NEGR1: variants seen among roughly 807,000 people sequenced by gnomAD.
NEGR1 encodes neuronal growth regulator 1.
Under a neutral mutation model 40.9 loss-of-function variants are expected in NEGR1, and 10 were observed. The ratio of observed to expected loss-of-function variants is 0.24; its 90% CI spans 0.15 to 0.42. NEGR1 has a LOEUF of 0.42. NEGR1 is among the 10% of genes least tolerant of loss of function. The pLI, the probability that NEGR1 is intolerant of heterozygous loss-of-function variation, is 1.00. For missense variants in NEGR1, 352 were observed against 438.9 expected (o/e 0.80, Z 1.77); for synonymous variants, 185 against 166.8 (o/e 1.11, Z -0.84).
chr1:72,098,655 A>G (rs1648806681), intron 1 of NEGR1, among the ~76,000 whole-genome samples: 1 of 152,134 alleles, frequency 6.6e-6, no homozygotes, highest in Non-Finnish European at 1.5e-5. Context: ...TCATTTTCCT[A>G]TTTTGAGTAT....
intron 6 of NEGR1, among the ~76,000 whole-genome samples, chr1:71,545,357 C>T (rs1161044556): frequency 2.0e-5 from 3 of 151,602 alleles, no homozygotes; most frequent in Non-Finnish European, 3.0e-5. Context: ...TGGCAACTGC[C>T]AAATAGGTTT....
intron 2 of NEGR1, among the ~76,000 whole-genome samples, chr1:71,883,015 A>T (rs1660623424): frequency 6.6e-6 from 1 of 152,110 alleles, no homozygotes; most frequent in Non-Finnish European, 1.5e-5. Flanking sequence ...ATTTACTTTT[A>T]CTTAACTCAA....
At chr1:72,255,724 G>A (rs200721478) in intron 1 of NEGR1, among the ~76,000 whole-genome samples, 3 of 151,726 alleles carry the variant, frequency 2.0e-5, no homozygotes, top group East Asian at 3.9e-4. Context: ...CAATTCTTTT[G>A]TATTTTAGTA....
intron 5 of NEGR1, among the ~76,000 whole-genome samples, chr1:71,605,269 T>A (rs1650043912): frequency 6.6e-6 from 1 of 152,170 alleles, no homozygotes; most frequent in East Asian, 1.9e-4. Context: ...GTATACATTG[T>A]GAAATGACTA....
chr1:71,884,196 C>T (rs1165444429), intron 2 of NEGR1, among the ~76,000 whole-genome samples: 1 of 152,100 alleles, frequency 6.6e-6, no homozygotes, highest in African/African-American at 2.4e-5. Context: ...TTGTTTCCTC[C>T]ACTTGGGTTG....
At chr1:71,440,027 C>T (rs1438157975) in intron 6 of NEGR1, among the ~76,000 whole-genome samples, 1 of 152,170 alleles carries the variant, frequency 6.6e-6, no homozygotes. Context: ...TATTTCATTA[C>T]CCATTTGTAT....
At chr1:71,906,284 C>A (rs917689966) in intron 2 of NEGR1, among the ~76,000 whole-genome samples, 1 of 151,836 alleles carries the variant, frequency 6.6e-6, no homozygotes, top group African/African-American at 2.4e-5. Flanking sequence ...CATTGGGTAC[C>A]GTATACGCTG....
intron 3 of NEGR1, among the ~76,000 whole-genome samples, chr1:71,756,422 AAC>A (rs901989093): frequency 0.028 from 4,113 of 145,346 alleles, 99 homozygotes; most frequent in East Asian, 0.067. Flanking sequence ...AAAAAAAAAA[AAC>A]CAAAAAAAAC....
At chr1:71,417,903 C>A (rs1646366901) in intron 6 of NEGR1, among the ~76,000 whole-genome samples, 1 of 152,050 alleles carries the variant, frequency 6.6e-6, no homozygotes. Flanking sequence ...TCTCAGAGTT[C>A]TAGAAATCTG....
At chr1:71,783,615 C>T (rs1402699949) in intron 2 of NEGR1, among the ~76,000 whole-genome samples, 2 of 152,208 alleles carry the variant, frequency 1.3e-5, no homozygotes, top group East Asian at 1.9e-4. Context: ...GAAATACCTA[C>T]AGATAAAATA....
intron 4 of NEGR1, among the ~76,000 whole-genome samples, chr1:71,691,214 C>A (rs1471570022): frequency 6.6e-6 from 1 of 151,836 alleles, no homozygotes. Context: ...TAGAAAAATT[C>A]ATGTATTCTT....
chr1:72,178,238 T>C (rs1652245267), intron 1 of NEGR1, among the ~76,000 whole-genome samples: 1 of 152,038 alleles, frequency 6.6e-6, no homozygotes, highest in Non-Finnish European at 1.5e-5. Flanking sequence ...TTATTGACAG[T>C]TAATTATAAA....
chr1:71,493,455 C>G (rs936645149), intron 6 of NEGR1, among the ~76,000 whole-genome samples: 3 of 152,146 alleles, frequency 2.0e-5, no homozygotes, highest in African/African-American at 7.2e-5. Context: ...CTTTCTTGCT[C>G]TATTTTTCCC....
chr1:71,483,397 G>T (rs1557541795), intron 6 of NEGR1, among the ~76,000 whole-genome samples: 1 of 151,524 alleles, frequency 6.6e-6, no homozygotes, highest in Non-Finnish European at 1.5e-5. Context: ...AGTGTATGAG[G>T]GCAAGCACAG....
At chr1:71,474,606 G>A (rs1646807189) in intron 6 of NEGR1, among the ~76,000 whole-genome samples, 1 of 150,668 alleles carries the variant, frequency 6.6e-6, no homozygotes, top group Admixed American at 6.6e-5. Context: ...AGCTACTTGG[G>A]AGGCTGAGGC....
At chr1:71,634,905 G>A (rs541601927) in intron 4 of NEGR1, among the ~76,000 whole-genome samples, 1 of 152,054 alleles carries the variant, frequency 6.6e-6, no homozygotes, top group African/African-American at 2.4e-5. Context: ...TAATACTACT[G>A]CAGACTCACA....
At chr1:71,501,781 T>C (rs1055587334) in intron 6 of NEGR1, among the ~76,000 whole-genome samples, 2 of 152,192 alleles carry the variant, frequency 1.3e-5, no homozygotes, top group African/African-American at 4.8e-5. Context: ...ATAAAAAATA[T>C]GTAAAGCTCT....
At chr1:71,722,717 C>A (rs1215576495) in intron 3 of NEGR1, among the ~76,000 whole-genome samples, 1 of 151,924 alleles carries the variant, frequency 6.6e-6, no homozygotes, top group Non-Finnish European at 1.5e-5. Context: ...AATTGGCATA[C>A]ATTTTTTTTA....
chr1:72,197,785 C>T (rs1261422842), intron 1 of NEGR1, among the ~76,000 whole-genome samples: 2 of 151,728 alleles, frequency 1.3e-5, no homozygotes, highest in Admixed American at 1.3e-4. Context: ...AAATATATTG[C>T]CAAAAAAATG....
Sources: gnomAD v4.1 joint callset for allele counts (sites outside exome capture counted in the v4.1 genomes callset) on GRCh38, gnomAD v4.1.1 for gene constraint, MANE v1.5 for transcripts, NCBI Gene and HGNC (gene_info 2026-07-23, HGNC 2026-07-21) for gene names.